The following PDE1C variants were observed in gnomAD, a reference collection of about 807,000 sequenced individuals.
PDE1C encodes the protein phosphodiesterase 1C.
Under a neutral mutation model 93.1 loss-of-function variants are expected in PDE1C, and 62 were observed. The ratio of observed to expected loss-of-function variants is 0.67; its 90% CI spans 0.54 to 0.82. The LOEUF is 0.82. PDE1C is among the 40% of genes least tolerant of loss of function. PDE1C has a pLI of 0.00. For missense variants in PDE1C, 742 were observed against 884.6 expected (o/e 0.84, Z 2.04); for synonymous variants, 325 against 310.1 (o/e 1.05, Z -0.50).
chr7:32,162,524 C>T (rs1299398320), intron 3 of PDE1C, among the ~76,000 whole-genome samples: 1 of 152,108 alleles, frequency 6.6e-6, no homozygotes, highest in African/African-American at 2.4e-5. Flanking sequence ...AGGTCTGACT[C>T]CCAGTAAAAG....
the PDE1C span, among the ~76,000 whole-genome samples, chr7:31,709,254 G>A: frequency 6.6e-6 from 1 of 152,138 alleles, no homozygotes; most frequent in Non-Finnish European, 1.5e-5. Flanking sequence ...GGAAATAAAA[G>A]CCTTGGGTCT....
At chr7:32,366,356 C>T (rs1784228492) in intron 1 of PDE1C, among the ~76,000 whole-genome samples, 1 of 151,976 alleles carries the variant, frequency 6.6e-6, no homozygotes, top group Non-Finnish European at 1.5e-5. Context: ...AACTTGGAGA[C>T]AGGTCATTTG....
chr7:31,940,761 A>G (rs148577957), intron 2 of PDE1C, among the ~76,000 whole-genome samples: 119 of 152,256 alleles, frequency 7.8e-4, no homozygotes, highest in African/African-American at 2.8e-3. Context: ...GGAATAATGA[A>G]TGGCAAGATG....
the PDE1C span, among the ~76,000 whole-genome samples, chr7:31,732,041 G>C: frequency 2.0e-5 from 3 of 152,334 alleles, no homozygotes; most frequent in South Asian, 6.2e-4. Context: ...CCTGCACGCA[G>C]ATGCTCCCAC....
chr7:31,712,447 G>A, the PDE1C span, among the ~76,000 whole-genome samples: 11 of 152,298 alleles, frequency 7.2e-5, 1 homozygote, highest in South Asian at 2.1e-3. Context: ...ACAGGAAGGT[G>A]GTCTGCTTCC....
chr7:31,875,423 C>T (rs1405613242), intron 5 of PDE1C, among the ~76,000 whole-genome samples: 1 of 152,088 alleles, frequency 6.6e-6, no homozygotes, highest in East Asian at 1.9e-4. Flanking sequence ...TAATGTTCTT[C>T]AGAACCAGTT....
At chr7:32,277,676 A>C (rs887451800) in intron 1 of PDE1C, among the ~76,000 whole-genome samples, 4 of 152,190 alleles carry the variant, frequency 2.6e-5, no homozygotes, top group Admixed American at 2.6e-4. Flanking sequence ...AAGAAAGAGA[A>C]AGATGCTTCA....
intron 3 of PDE1C, among the ~76,000 whole-genome samples, chr7:32,096,799 T>A (rs2392022): frequency 0.69 from 102,501 of 149,410 alleles, 35,300 homozygotes; most frequent in Middle Eastern, 0.78. Context: ...CTGCAGAGAA[T>A]CAGAACCAGT....
Position 32,258,524 on chromosome 7 carries a change from A to T in PDE1C, c.85+40127T>A, listed in dbSNP as rs566414231. 1.5e-3 allele frequency among the ~76,000 whole-genome samples: 223 copies of T among 152,292 alleles called. 3 individuals are homozygous for T. Among genetic ancestry groups the T allele is most frequent in the Middle Eastern group, 0.01 (3 of 294 alleles). ...TGTGCTGAGGGACAAGGGCAAGGGC[A>T]CGCCCTGCCAAATTCTCCATTAACA... On this transcript the variant is annotated intron_variant, in intron 1 of 18. Transcript: ENST00000396193.
chr7:32,269,279 A>G (rs1810806918), intron 1 of PDE1C, among the ~76,000 whole-genome samples: 1 of 152,182 alleles, frequency 6.6e-6, no homozygotes, highest in Non-Finnish European at 1.5e-5. Context: ...TGCATTTCTA[A>G]CAAGCTTCTA....
chr7:32,001,331 T>C (rs1785427313), intron 2 of PDE1C, among the ~76,000 whole-genome samples: 1 of 152,236 alleles, frequency 6.6e-6, no homozygotes, highest in Non-Finnish European at 1.5e-5. Flanking sequence ...AAAGATCCCA[T>C]ATCAGGAGTT....
chr7:32,214,059 T>A (rs1034726595), intron 1 of PDE1C, among the ~76,000 whole-genome samples: 1 of 152,190 alleles, frequency 6.6e-6, no homozygotes, highest in Non-Finnish European at 1.5e-5. Context: ...AATATACATA[T>A]TATTTTGGAT....
intron 3 of PDE1C, among the ~76,000 whole-genome samples, chr7:32,133,624 C>G (rs915036765): frequency 2.3e-4 from 35 of 152,130 alleles, no homozygotes; most frequent in African/African-American, 7.2e-4. Context: ...GAGTGACCAC[C>G]CACCACACGC....
chr7:31,927,291 C>T (rs758580746), intron 2 of PDE1C, among the ~76,000 whole-genome samples: 1 of 152,204 alleles, frequency 6.6e-6, no homozygotes, highest in Non-Finnish European at 1.5e-5. Flanking sequence ...AGGCGGCAGC[C>T]TCAGTCAGGG....
rs570723508 is a variant in PDE1C, at chr7:31,969,299, AAAAC to A, written c.128+82251_128+82254del. On this transcript the variant is annotated intron_variant, in intron 2 of 17. Transcript: ENST00000396191. ...TGAACTCAAACAAATTTACAAGAAA[AAAAC>A]AAACAACCCTATCAAAAAATGGGTG... 1.2e-3 allele frequency among the ~76,000 whole-genome samples: 180 copies of A among 152,344 alleles called. 1 individual carries two copies. The highest frequency in any genetic ancestry group is 4.2e-3 in the African/African-American group (175 of 41,582).
chr7:31,804,857 C>T (rs554463754), intron 16 of PDE1C, among the ~76,000 whole-genome samples: 10 of 151,692 alleles, frequency 6.6e-5, no homozygotes, highest in Admixed American at 2.0e-4. Flanking sequence ...CAGTACAGTG[C>T]GGATAATGCT....
At chr7:32,208,836 G>T (rs980903276) in intron 2 of PDE1C, among the ~76,000 whole-genome samples, 6 of 152,166 alleles carry the variant, frequency 3.9e-5, no homozygotes, top group Non-Finnish European at 8.8e-5. Flanking sequence ...TAGGGATCAA[G>T]ACCTGGAGAC....
intron 17 of PDE1C, among the ~76,000 whole-genome samples, chr7:31,768,541 T>G (rs1280048912): frequency 6.6e-6 from 1 of 152,182 alleles, no homozygotes; most frequent in Non-Finnish European, 1.5e-5. Context: ...TCCTTTGTGT[T>G]AAAAAGTTAC....
At chr7:32,301,143 T>C (rs1007975698), upstream of PDE1C, among the ~76,000 whole-genome samples, 1 of 152,046 alleles carries the variant, frequency 6.6e-6, no homozygotes, top group Non-Finnish European at 1.5e-5. Context: ...GACCTTAATA[T>C]TATGTATTTT....
Sources: allele counts gnomAD v4.1 joint callset (sites outside exome capture counted in the v4.1 genomes callset), GRCh38; gene constraint gnomAD v4.1.1; transcripts MANE v1.5; gene names NCBI Gene and HGNC (gene_info 2026-07-23, HGNC 2026-07-21).